Variants in RTN4RL1 observed in about 807,000 individuals in gnomAD.
The protein encoded by RTN4RL1 is reticulon-4 receptor-like 1.
In RTN4RL1, 7 loss-of-function variants were observed where a neutral mutation model predicts 25.6. That is an observed-to-expected ratio of 0.27 (90% CI 0.16 to 0.51). RTN4RL1 has a LOEUF of 0.51. Ranked by LOEUF, RTN4RL1 falls within the 20% of genes least tolerant of loss-of-function variation. The pLI is 0.97. For missense variants in RTN4RL1, 500 were observed against 615.6 expected (o/e 0.81, Z 1.99); for synonymous variants, 297 against 288.2 (o/e 1.03, Z -0.31).
chr17:1,980,787 A>G (rs2066863799), intron 1 of RTN4RL1, among the ~76,000 whole-genome samples: 1 of 151,412 alleles, frequency 6.6e-6, no homozygotes, highest in South Asian at 2.1e-4. Flanking sequence ...AAAACAGCCG[A>G]GTGTGGTGGT....
chr17:1,995,745 T>C (rs934532442), intron 1 of RTN4RL1: 3 of 152,292 alleles, frequency 2.0e-5, no homozygotes, highest in African/African-American at 7.2e-5. Context: ...TTCGAATCGA[T>C]TGACTTTATA....
intron 1 of RTN4RL1, among the ~76,000 whole-genome samples, chr17:1,973,365 T>TAAG (rs2066828748): frequency 8.0e-6 from 1 of 124,792 alleles, no homozygotes; most frequent in Non-Finnish European, 1.7e-5. Flanking sequence ...GACACTGTCT[T>TAAG]AAAAAAAAAA....
At chr17:1,960,330 A>C (rs1309793715) in intron 1 of RTN4RL1, among the ~76,000 whole-genome samples, 1 of 152,120 alleles carries the variant, frequency 6.6e-6, no homozygotes, top group South Asian at 2.1e-4. Flanking sequence ...AAAAACAGTA[A>C]GTGCTATCAT....
chr17:2,000,023 C>T (rs1031765377), intron 1 of RTN4RL1, among the ~76,000 whole-genome samples: 2 of 152,226 alleles, frequency 1.3e-5, no homozygotes, highest in African/African-American at 4.8e-5. Flanking sequence ...GGGCACAGGC[C>T]GGCCATCTGC....
intron 1 of RTN4RL1, among the ~76,000 whole-genome samples, chr17:2,022,087 G>T (rs916957516): frequency 6.6e-6 from 1 of 151,392 alleles, no homozygotes; most frequent in Non-Finnish European, 1.5e-5. Context: ...GGCCGAGGTG[G>T]GCAGATCACT....
At chr17:1,939,824 G>T (rs990148850) in intron 1 of RTN4RL1, among the ~76,000 whole-genome samples, 1 of 152,080 alleles carries the variant, frequency 6.6e-6, no homozygotes, top group African/African-American at 2.4e-5. Context: ...CCGGCTCCAG[G>T]CCTCCAGGCC....
At chr17:1,981,163 C>T (rs1300950004) in intron 1 of RTN4RL1, among the ~76,000 whole-genome samples, 1 of 151,922 alleles carries the variant, frequency 6.6e-6, no homozygotes, top group Admixed American at 6.6e-5. Context: ...GAGGGAGGAT[C>T]ACTTGAGCCC....
At chr17:1,949,722 TTCTC>T (rs1275011217) in intron 1 of RTN4RL1, among the ~76,000 whole-genome samples, 1 of 152,138 alleles carries the variant, frequency 6.6e-6, no homozygotes, top group African/African-American at 2.4e-5. Context: ...GGGGCCTACA[TTCTC>T]CTGGGGGTGC....
At chr17:1,961,591 A>T (rs2066761533) in intron 1 of RTN4RL1, among the ~76,000 whole-genome samples, 1 of 151,466 alleles carries the variant, frequency 6.6e-6, no homozygotes, top group African/African-American at 2.4e-5. Context: ...CCCTCCTCCC[A>T]CTCTTGTCCT....
At position 1,962,133 on chromosome 17, in the gene RTN4RL1, A is replaced by T. The variant is rs1255227871; in HGVS notation, c.14-24325T>A. 4.5e-5 allele frequency among the ~76,000 whole-genome samples: 6 copies of T among 132,348 alleles called. 1 individual carries two copies. Among genetic ancestry groups the T allele is most frequent in the African/African-American group, 1.4e-4 (5 of 36,072 alleles). 86.8% of individuals were successfully genotyped at this position (132,348 alleles called of 152,430 possible). A position where few individuals can be genotyped will look rare whatever the true frequency, so the allele number is the denominator to read the frequency against. On this transcript the variant is annotated intron_variant, in intron 1 of 1. Coordinates refer to ENST00000331238, the MANE Select transcript of RTN4RL1 (RefSeq NM_178568.4). Reference sequence around the variant, plus strand: ...CCTATCTCTTAAAAAAAAAAAAAAAATTAGCCAGGCGTGGCACGTGCATGC... The same window carrying T: ...CCTATCTCTTAAAAAAAAAAAAAAATTTAGCCAGGCGTGGCACGTGCATGC...
At chr17:1,970,955 C>T (rs760245600) in intron 1 of RTN4RL1, among the ~76,000 whole-genome samples, 1 of 152,240 alleles carries the variant, frequency 6.6e-6, no homozygotes, top group Non-Finnish European at 1.5e-5. Flanking sequence ...CACACTTCTG[C>T]AGTATATTAA....
At chr17:2,024,700 G>A (rs1369607012) in intron 1 of RTN4RL1, among the ~76,000 whole-genome samples, 153 bp downstream of exon 1, 1 of 151,970 alleles carries the variant, frequency 6.6e-6, no homozygotes, top group Non-Finnish European at 1.5e-5. Flanking sequence ...CTGAGCCCCA[G>A]CAGCAGCCCC....
intron 1 of RTN4RL1, among the ~76,000 whole-genome samples, chr17:1,988,145 A>G (rs549034338): frequency 1.5e-4 from 22 of 145,676 alleles, no homozygotes; most frequent in Admixed American, 8.9e-4. Flanking sequence ...GAGGCCGGGC[A>G]TGGTGGCTCA....
intron 1 of RTN4RL1, among the ~76,000 whole-genome samples, chr17:1,959,768 T>A (rs1476637727): frequency 6.6e-6 from 1 of 152,138 alleles, no homozygotes; most frequent in East Asian, 1.9e-4. Context: ...TTTCGCCATG[T>A]GGGCCCAGCT....
chr17:1,961,167 CG>C (rs1256076637), intron 1 of RTN4RL1, among the ~76,000 whole-genome samples: 3 of 152,184 alleles, frequency 2.0e-5, no homozygotes, highest in African/African-American at 7.2e-5. Context: ...ATCAAGCACT[CG>C]GATGAAGCCA....
At chr17:1,983,660 C>A (rs751104716) in intron 1 of RTN4RL1, among the ~76,000 whole-genome samples, 2 of 152,270 alleles carry the variant, frequency 1.3e-5, no homozygotes, top group Non-Finnish European at 2.9e-5. Flanking sequence ...ACCTCAGTTA[C>A]CCAAGCAGCT....
At chr17:1,956,221 C>T (rs10438728) in intron 1 of RTN4RL1, among the ~76,000 whole-genome samples, 2 of 151,634 alleles carry the variant, frequency 1.3e-5, no homozygotes, top group East Asian at 1.9e-4. Context: ...CACCACCCAG[C>T]GGGGTGCAGG....
At chr17:1,999,187 G>C (rs8080429) in intron 1 of RTN4RL1, among the ~76,000 whole-genome samples, 101,747 of 150,202 alleles carry the variant, frequency 0.68, 34,598 homozygotes, top group Middle Eastern at 0.72. Context: ...GTGGCTCACG[G>C]CTGTAATCTC....
Position 2,012,144 on chromosome 17 carries a change from CAG to C in RTN4RL1, c.13+12707_13+12708del, listed in dbSNP as rs2058171838. ...TTAGACATTTCAGATCTCTGAAGCC[CAG>C]AGAGTGTCCATGAGAGGTTTCCGTT... is the stretch of plus-strand genomic sequence containing the variant. On this transcript the variant is annotated intron_variant, in intron 1 of 1. Coordinates refer to ENST00000331238, the MANE Select transcript of RTN4RL1 (RefSeq NM_178568.4). Among the ~76,000 whole-genome samples the C allele has an allele frequency of 2.0e-5, 3 of 152,230 alleles. No individual in the cohort carries two copies. In the South Asian group the frequency reaches 6.2e-4, roughly 32 times the overall value.
Sources: allele counts gnomAD v4.1 joint callset (sites outside exome capture counted in the v4.1 genomes callset), GRCh38; gene constraint gnomAD v4.1.1; transcripts MANE v1.5; gene names NCBI Gene and HGNC (gene_info 2026-07-23, HGNC 2026-07-21).